USP42: variants seen among roughly 807,000 people sequenced by gnomAD.
USP42 encodes ubiquitin specific peptidase 42, also known as ubiquitin carboxyl-terminal hydrolase 42.
In USP42, 23 loss-of-function variants were observed where a neutral mutation model predicts 113.0. The observed-to-expected ratio is 0.20, with a 90% CI of 0.15 to 0.29. The LOEUF (loss-of-function observed/expected upper bound fraction) is 0.29. Among genes scored for constraint, USP42 ranks in the 10% least tolerant of loss-of-function variants. The pLI is 1.00. For missense variants in USP42, 2,174 were observed against 1,779.8 expected (o/e 1.22, Z -3.99); for synonymous variants, 933 against 699.0 (o/e 1.33, Z -5.28).
intron 3 of USP42, among the ~76,000 whole-genome samples, chr7:6,132,888 G>A (rs945280785): frequency 2.0e-5 from 3 of 152,038 alleles, no homozygotes; most frequent in African/African-American, 7.2e-5. Flanking sequence ...TAGCCAGGAT[G>A]GTCTCGATCT....
chr7:6,133,399 C>T (rs1201552451), intron 3 of USP42, among the ~76,000 whole-genome samples: 1 of 152,168 alleles, frequency 6.6e-6, no homozygotes, highest in Non-Finnish European at 1.5e-5. Context: ...GATTTTCTCT[C>T]TCTGTGTTTT....
chr7:6,087,621 G>T, the USP42 span, among the ~76,000 whole-genome samples: 5 of 151,104 alleles, frequency 3.3e-5, no homozygotes, highest in Non-Finnish European at 7.4e-5. Context: ...ACAGGAATTA[G>T]CTCCCTGCCC....
At chr7:6,091,117 G>A in the USP42 span, among the ~76,000 whole-genome samples, 2 of 150,962 alleles carry the variant, frequency 1.3e-5, no homozygotes, top group African/African-American at 4.9e-5. Context: ...CATATGATTT[G>A]CTATTTTGTT....
Position 6,154,274 on chromosome 7 carries a change from C to G in USP42, c.2720C>G (p.Ala907Gly). ...CCGCCAGCTCCTGTGCTGGACATGG[C>G]CCCGGCCGGTCACCCGGAAGGGGAC... ...ERPPAPVLDMAPAGHPEGDAE... is the reference protein window; with the variant it reads ...ERPPAPVLDMGPAGHPEGDAE... The change falls in exon 15 of 18, where the codon GCC becomes GGC. Residue 907 changes from alanine to glycine, a missense_variant. Transcript: ENST00000306177. 1.9e-6 allele frequency: 3 copies of G among 1,597,102 alleles called. No individual in the cohort carries two copies. Among genetic ancestry groups the G allele is most frequent in the Non-Finnish European group, 2.6e-6 (3 of 1,173,022 alleles).
the USP42 span, chr7:6,084,353 G>A: frequency 2.0e-5 from 3 of 151,180 alleles, no homozygotes; most frequent in African/African-American, 7.4e-5. Flanking sequence ...TCTATTGTAG[G>A]TTTCCAGTAA....
intron 3 of USP42, among the ~76,000 whole-genome samples, chr7:6,125,444 C>T (rs1012870049): frequency 5.3e-5 from 8 of 150,100 alleles, no homozygotes; most frequent in Non-Finnish European, 1.0e-4. Flanking sequence ...GAGCCAAGAA[C>T]ACACCACTGC....
the USP42 span, among the ~76,000 whole-genome samples, chr7:6,090,439 G>GC: frequency 4.2e-5 from 6 of 143,218 alleles, no homozygotes; most frequent in Non-Finnish European, 9.0e-5. Context: ...TATATGCCAG[G>GC]CACAGTGGCT....
intron 12 of USP42, 72 bp downstream of exon 12, chr7:6,147,964 T>C: frequency 1.4e-6 from 2 of 1,441,654 alleles, no homozygotes; most frequent in Non-Finnish European, 1.9e-6. Flanking sequence ...TCAAGTTGAA[T>C]TGTAGTGGTT....
chr7:6,115,719 CT>C (rs569514301), intron 3 of USP42, among the ~76,000 whole-genome samples, 196 bp downstream of exon 3: 3 of 152,200 alleles, frequency 2.0e-5, no homozygotes, highest in Admixed American at 2.0e-4. Context: ...CTAATTAGAC[CT>C]GTGAAGGTAT....
intron 3 of USP42, among the ~76,000 whole-genome samples, chr7:6,118,633 C>T (rs1780042961): frequency 6.0e-5 from 9 of 150,950 alleles, no homozygotes; most frequent in Admixed American, 5.9e-4. Context: ...GTTTTTGGGT[C>T]AGTGGTCCAT....
intron 3 of USP42, among the ~76,000 whole-genome samples, chr7:6,128,717 G>T (rs925098504): frequency 6.6e-6 from 1 of 151,442 alleles, no homozygotes; most frequent in African/African-American, 2.4e-5. Flanking sequence ...TTTTTGTTCT[G>T]TTCTTTTTTA....
At chr7:6,141,059 TTAGAC>T in intron 7 of USP42, 75 bp downstream of exon 7, 1 of 717,654 alleles carries the variant, frequency 1.4e-6, no homozygotes, top group South Asian at 2.0e-5. Context: ...CATTTATAAT[TTAGAC>T]TACTTGTTAG....
chr7:6,113,679 T>C (rs1439133181), intron 2 of USP42, among the ~76,000 whole-genome samples: 1 of 152,118 alleles, frequency 6.6e-6, no homozygotes, highest in Non-Finnish European at 1.5e-5. Context: ...TGGAGAGCAG[T>C]GTTGCAATCT....
At chr7:6,111,514 C>G in intron 2 of USP42, 140 bp downstream of exon 2, 4 of 961,640 alleles carry the variant, frequency 4.2e-6, no homozygotes, top group Non-Finnish European at 6.0e-6. Flanking sequence ...ACTTGATGGG[C>G]TTTGTTTTCC....
chr7:6,092,729 A>G, the USP42 span, among the ~76,000 whole-genome samples: 23 of 151,304 alleles, frequency 1.5e-4, no homozygotes, highest in Non-Finnish European at 3.1e-4. Context: ...GAGATTTGGG[A>G]TCTGTCTCCT....
upstream of USP42, among the ~76,000 whole-genome samples, chr7:6,100,340 G>T (rs900600007): frequency 6.7e-6 from 1 of 149,842 alleles, no homozygotes; most frequent in Non-Finnish European, 1.5e-5. Flanking sequence ...TTATTTTATG[G>T]TTTTTTAATA....
At chr7:6,111,023 C>T (rs1003103283) in intron 1 of USP42, 102 bp from the exon 2 acceptor site, 37 of 1,238,336 alleles carry the variant, frequency 3.0e-5, no homozygotes, top group Non-Finnish European at 3.5e-5. Flanking sequence ...GTTTGAAAAT[C>T]ACTTTAAAAT....
chr7:6,152,867 C>T (rs10242304), intron 14 of USP42: 2 of 925,792 alleles, frequency 2.2e-6, no homozygotes, highest in Non-Finnish European at 2.6e-6. Flanking sequence ...GGAGGTGGCC[C>T]CTCTACCTTT....
At chr7:6,111,428 C>T in intron 2 of USP42, 54 bp downstream of exon 2, 1 of 1,584,070 alleles carries the variant, frequency 6.3e-7, no homozygotes, top group African/African-American at 1.3e-5. Context: ...GTAAATGCTG[C>T]TGGGGCTTGG....
Sources: gnomAD v4.1 joint callset for allele counts (sites outside exome capture counted in the v4.1 genomes callset) on GRCh38, gnomAD v4.1.1 for gene constraint, MANE v1.5 for transcripts, NCBI Gene and HGNC (gene_info 2026-07-23, HGNC 2026-07-21) for gene names.